Variants in NLGN1 observed in about 807,000 individuals in gnomAD.
The protein encoded by NLGN1 is neuroligin-1.
A neutral mutation model predicts 65.5 loss-of-function variants in NLGN1; 12 were observed. The ratio of observed to expected loss-of-function variants is 0.18; its 90% CI spans 0.12 to 0.30. NLGN1 has a LOEUF of 0.30. Ranked by LOEUF, NLGN1 falls within the 10% of genes least tolerant of loss-of-function variation. The pLI is 1.00. For synonymous variants in NLGN1, 350 were observed against 359.5 expected (o/e 0.97, Z 0.30); for missense variants, 750 against 1,007.1 (o/e 0.74, Z 3.46).
intron 4 of NLGN1, among the ~76,000 whole-genome samples, chr3:174,164,288 T>A (rs910015408): frequency 6.6e-6 from 1 of 152,118 alleles, no homozygotes; most frequent in African/African-American, 2.4e-5. Flanking sequence ...ATGAAATTAC[T>A]TAGCTTTTGC....
chr3:173,443,242 C>T, intron 2 of NLGN1, among the ~76,000 whole-genome samples: 1 of 143,772 alleles, frequency 7.0e-6, no homozygotes, highest in East Asian at 2.0e-4. Flanking sequence ...ACCCTGTCTC[C>T]AAAAAAAAAG....
chr3:173,852,259 G>A (rs1727093116), intron 4 of NLGN1, among the ~76,000 whole-genome samples: 1 of 147,484 alleles, frequency 6.8e-6, no homozygotes, highest in African/African-American at 2.5e-5. Context: ...GGGAGGCTGA[G>A]GCAGGAGAAT....
At chr3:173,656,187 CCT>C (rs1760001091) in intron 3 of NLGN1, among the ~76,000 whole-genome samples, 7 of 152,030 alleles carry the variant, frequency 4.6e-5, no homozygotes, top group Non-Finnish European at 8.8e-5. Context: ...TTTAGGAAGT[CCT>C]TAGGTTTCCT....
At chr3:173,876,517 A>G (rs1403557578) in intron 4 of NLGN1, among the ~76,000 whole-genome samples, 1 of 152,178 alleles carries the variant, frequency 6.6e-6, no homozygotes, top group Non-Finnish European at 1.5e-5. Flanking sequence ...GTTGGTTTAC[A>G]TTGCTGTGTG....
At chr3:173,745,773 G>C (rs974858063) in intron 3 of NLGN1, among the ~76,000 whole-genome samples, 4 of 152,128 alleles carry the variant, frequency 2.6e-5, no homozygotes, top group Non-Finnish European at 5.9e-5. Context: ...CCAGGGAACA[G>C]ATACTCCAGA....
At chr3:174,037,039 G>A (rs1007847430) in intron 4 of NLGN1, among the ~76,000 whole-genome samples, 12 of 152,162 alleles carry the variant, frequency 7.9e-5, no homozygotes, top group East Asian at 3.9e-4. Context: ...CTTTGCTGTC[G>A]TAAATAGTGC....
intron 4 of NLGN1, among the ~76,000 whole-genome samples, chr3:173,890,955 A>G (rs1196635241): frequency 6.6e-6 from 1 of 152,206 alleles, no homozygotes; most frequent in Non-Finnish European, 1.5e-5. Context: ...TGAATCCTTC[A>G]TCATTGAGTG....
chr3:173,772,888 T>C (rs1264659771), intron 3 of NLGN1, among the ~76,000 whole-genome samples: 2 of 152,146 alleles, frequency 1.3e-5, no homozygotes, highest in African/African-American at 4.8e-5. Context: ...GCCAGCAGGC[T>C]ATAATTCCAC....
At chr3:173,944,381 A>T (rs1746775049) in intron 4 of NLGN1, among the ~76,000 whole-genome samples, 1 of 152,194 alleles carries the variant, frequency 6.6e-6, no homozygotes, top group Non-Finnish European at 1.5e-5. Context: ...TACATGGGCA[A>T]CATGAAGTCA....
chr3:173,548,447 CTG>C (rs1740265148), intron 2 of NLGN1, among the ~76,000 whole-genome samples: 1 of 151,206 alleles, frequency 6.6e-6, no homozygotes, highest in Non-Finnish European at 1.5e-5. Flanking sequence ...AAACTGGGAA[CTG>C]TGCTTGGAAC....
At chr3:173,694,074 A>G (rs1187548128) in intron 3 of NLGN1, among the ~76,000 whole-genome samples, 1 of 152,132 alleles carries the variant, frequency 6.6e-6, no homozygotes, top group African/African-American at 2.4e-5. Context: ...ACTGAATCCC[A>G]AAGTATCAAC....
At chr3:173,565,927 A>T (rs1410912329) in intron 2 of NLGN1, among the ~76,000 whole-genome samples, 1 of 152,212 alleles carries the variant, frequency 6.6e-6, no homozygotes, top group Non-Finnish European at 1.5e-5. Flanking sequence ...GTATATGAAA[A>T]TTCAGAGGAT....
intron 4 of NLGN1, among the ~76,000 whole-genome samples, chr3:174,243,312 A>C (rs1478762298): frequency 6.6e-6 from 1 of 152,136 alleles, no homozygotes; most frequent in African/African-American, 2.4e-5. Context: ...GGGCTCACAA[A>C]ATGACTTAAT....
chr3:174,194,234 G>A (rs558351712), intron 4 of NLGN1, among the ~76,000 whole-genome samples: 4 of 152,098 alleles, frequency 2.6e-5, no homozygotes, highest in South Asian at 2.1e-4. Flanking sequence ...TGAGGCAGAC[G>A]GATAACGAAG....
At chr3:174,086,018 A>G (rs1051726533) in intron 4 of NLGN1, among the ~76,000 whole-genome samples, 3 of 151,984 alleles carry the variant, frequency 2.0e-5, no homozygotes, top group African/African-American at 4.8e-5. Context: ...GGATAAAATC[A>G]TTAATATTTA....
intron 4 of NLGN1, among the ~76,000 whole-genome samples, chr3:174,050,792 G>A (rs1035327746): frequency 1.3e-5 from 2 of 151,930 alleles, no homozygotes; most frequent in African/African-American, 4.8e-5. Context: ...GTGAACATAT[G>A]AGTGTTGAAG....
chr3:173,598,431 A>G (rs1577458437), intron 2 of NLGN1, among the ~76,000 whole-genome samples: 1 of 144,914 alleles, frequency 6.9e-6, no homozygotes, highest in African/African-American at 2.9e-5. Flanking sequence ...CCCTTATCTA[A>G]TCATCTTGTG....
chr3:173,753,260 G>T (rs550517408), intron 3 of NLGN1, among the ~76,000 whole-genome samples: 3 of 152,044 alleles, frequency 2.0e-5, no homozygotes, highest in Non-Finnish European at 4.4e-5. Context: ...ATTAAGATCT[G>T]AATATTTCAC....
chr3:173,563,603 T>TA (rs774827196), intron 2 of NLGN1, among the ~76,000 whole-genome samples: 61 of 152,354 alleles, frequency 4.0e-4, no homozygotes, highest in Admixed American at 1.9e-3. Context: ...CATGCAGACT[T>TA]ACATTTTACT....
Sources: gnomAD v4.1 joint callset for allele counts (sites outside exome capture counted in the v4.1 genomes callset) on GRCh38, gnomAD v4.1.1 for gene constraint, MANE v1.5 for transcripts, NCBI Gene and HGNC (gene_info 2026-07-23, HGNC 2026-07-21) for gene names.